MELTF: variants seen among roughly 807,000 people sequenced by gnomAD.
MELTF encodes melanotransferrin, also known as antigen p97 (melanoma associated) identified by monoclonal antibodies 133.2 and 96.5.
In MELTF, 67 loss-of-function variants were observed where a neutral mutation model predicts 83.7. That is an observed-to-expected ratio of 0.80 (90% CI 0.66 to 0.98). MELTF has a LOEUF of 0.98. MELTF is among the 50% of genes least tolerant of loss of function. The probability of loss-of-function intolerance (pLI) is 0.00; values close to 1 mark genes in which losing one functional copy is unlikely to be tolerated. For synonymous variants in MELTF, 462 were observed against 447.6 expected, an observed-to-expected ratio of 1.03 and a Z score of -0.41; for missense variants, 1,002 against 1,035.6, an observed-to-expected ratio of 0.97 and a Z score of 0.44.
chr3:197,005,564 G>A (rs181095806), intron 14 of MELTF, among the ~76,000 whole-genome samples: 151 of 152,344 alleles, frequency 9.9e-4, no homozygotes, highest in Non-Finnish European at 1.5e-3. Context: ...AGATGGGGAG[G>A]AAATCAGCAG....
At chr3:197,004,139 C>T (rs1323959130) in intron 14 of MELTF, 40 bp from the exon 15 acceptor site, 1 of 1,604,570 alleles carries the variant, frequency 6.2e-7, no homozygotes, top group Admixed American at 1.7e-5. Flanking sequence ...CCTCACTGGG[C>T]TCAGGCAGGG....
chr3:197,003,654 TC>T lies in MELTF; in HGVS notation c.2138-204del, dbSNP rs565143657. ...CGCATGTCTCTGCCGTGGCCCCAGA[TC>T]CTCCCCGCGCCGCCGTTTTGAGCGT... is the stretch of plus-strand genomic sequence containing the variant. On this transcript the variant is annotated intron_variant, in intron 15 of 15. Coordinates refer to ENST00000296350, the MANE Select transcript of MELTF (RefSeq NM_005929.6). The surrounding 1 kb of genome is among the most constrained non-coding windows in gnomAD (Gnocchi z 6.2). 966 of 662,966 alleles carry T rather than the reference TC, an allele frequency of 1.5e-3. 8 individuals are homozygous for T. Among genetic ancestry groups the T allele is most frequent in the African/African-American group, 9.5e-3 (525 of 55,072 alleles). The allele number at this position is 662,966 out of a possible 1,614,324, so 41.1% of individuals were successfully genotyped here.
intron 9 of MELTF, among the ~76,000 whole-genome samples, chr3:197,012,509 C>T (rs906028203): frequency 2.6e-5 from 4 of 152,236 alleles, no homozygotes; most frequent in African/African-American, 7.2e-5. Flanking sequence ...GCCTTCCAGT[C>T]GATGTGGTTC....
intron 6 of MELTF, chr3:197,019,410 T>C (rs1560219423): frequency 7.5e-7 from 1 of 1,333,722 alleles, no homozygotes; most frequent in Non-Finnish European, 9.6e-7. Flanking sequence ...TAAAGTCACT[T>C]AAAAAATGAC....
chr3:197,003,885 G>A lies in MELTF; in HGVS notation c.2137+16C>T, dbSNP rs1718875472. 6 of 1,611,170 alleles carry A rather than the reference G, an allele frequency of 3.7e-6. No individual in the cohort carries two copies. Among genetic ancestry groups the A allele is most frequent in the Non-Finnish European group, 5.1e-6 (6 of 1,179,058 alleles). On this transcript the variant is annotated intron_variant, in intron 15 of 15. Transcript: ENST00000296350. The surrounding 1 kb of genome is among the most constrained non-coding windows in gnomAD (Gnocchi z 6.2). ...TGAATAGCACCAGGGGAGGCGGCAG[G>A]GCGGGCCTGTCCTACCTGCGCCCGA...
chr3:197,012,480 G>T (rs1719224919), intron 9 of MELTF, among the ~76,000 whole-genome samples: 1 of 152,252 alleles, frequency 6.6e-6, no homozygotes, highest in African/African-American at 2.4e-5. Flanking sequence ...CTGTATTCTT[G>T]CCCGGTCTCC....
intron 6 of MELTF, among the ~76,000 whole-genome samples, chr3:197,020,588 T>A (rs1232461090): frequency 6.6e-6 from 1 of 152,180 alleles, no homozygotes; most frequent in Admixed American, 6.5e-5. Flanking sequence ...TCTTGTAAGT[T>A]TTCCAAAGCT....
chr3:197,014,887 T>A (rs2148583533), intron 9 of MELTF, among the ~76,000 whole-genome samples: 1 of 152,352 alleles, frequency 6.6e-6, no homozygotes, highest in South Asian at 2.1e-4. Context: ...AACATCAGTA[T>A]GTATCTCATG....
chr3:197,016,507 T>TTCTGCGGCGCCTCCCCTGA, intron 7 of MELTF, 138 bp from the exon 8 acceptor site: 1 of 698,274 alleles, frequency 1.4e-6, no homozygotes, highest in Non-Finnish European at 2.3e-6. Context: ...GGCCTCCCTC[T>TTCTGCGGCGCCTCCCCTGA]TCTGCGGCGC....
At chr3:197,017,346 C>G in intron 6 of MELTF, 56 bp from the exon 7 acceptor site, 1 of 1,430,354 alleles carries the variant, frequency 7.0e-7, no homozygotes, top group East Asian at 2.5e-5. Context: ...GGGCGGGTGG[C>G]GGGGAAGGCC....
intron 4 of MELTF, chr3:197,023,784 G>A (rs958439287): frequency 2.4e-5 from 11 of 454,294 alleles, no homozygotes; most frequent in Non-Finnish European, 4.4e-5. Context: ...AGTGCCTGGT[G>A]AGCCACTCAC....
In MELTF at chr3:197,003,984, T is replaced by A. The variant is rs1463643153; in HGVS notation, c.2054A>T (p.Glu685Val). ...CAGCCAGCCGCGGTAGGTGGTTTTC[T>A]CTCCGACAGGCACCGCCCGGACGGT... Reference protein sequence around the residue: ...DATVRAVPVGEKTTYRGWLGL... With the variant: ...DATVRAVPVGVKTTYRGWLGL... The change falls in exon 15 of 16, where the codon GAG becomes GTG. Residue 685 changes from glutamate to valine, a missense_variant. Coordinates refer to ENST00000296350, the MANE Select transcript of MELTF (RefSeq NM_005929.6). The surrounding 1 kb of genome is among the most constrained non-coding windows in gnomAD (Gnocchi z 6.2). 6.2e-7 allele frequency: 1 copy of A among 1,614,140 alleles called. No individual in the cohort carries two copies. Among genetic ancestry groups the A allele is most frequent in the Admixed American group, 1.7e-5 (1 of 60,028 alleles).
intron 8 of MELTF, among the ~76,000 whole-genome samples, 168 bp from the exon 9 acceptor site, chr3:197,015,684 G>T (rs1719343039): frequency 1.3e-5 from 2 of 152,230 alleles, no homozygotes. Context: ...GCAACTGTGA[G>T]GCCTGAGGAA....
intron 6 of MELTF, 147 bp from the exon 7 acceptor site, chr3:197,017,437 G>A (rs972737785): frequency 1.0e-5 from 7 of 681,032 alleles, no homozygotes; most frequent in African/African-American, 3.6e-5. Flanking sequence ...CTTGGTGGCC[G>A]CACCCAACTC....
chr3:197,025,189 T>G (rs985384412), intron 3 of MELTF, among the ~76,000 whole-genome samples: 1 of 152,186 alleles, frequency 6.6e-6, no homozygotes, highest in African/African-American at 2.4e-5. Context: ...GGGTCTCCCA[T>G]CGCACGGGCG....
intron 9 of MELTF, among the ~76,000 whole-genome samples, chr3:197,013,904 G>A (rs1470169122): frequency 6.6e-6 from 1 of 152,210 alleles, no homozygotes; most frequent in African/African-American, 2.4e-5. Flanking sequence ...CGTTGCTGGG[G>A]ATGTAAACCC....
chr3:197,003,799 C>T lies in MELTF; in HGVS notation c.2137+102G>A. 1 of 1,309,340 alleles carries T rather than the reference C, an allele frequency of 7.6e-7. No individual in the cohort carries two copies. The highest frequency in any genetic ancestry group is 1.1e-6 in the Non-Finnish European group (1 of 949,568). The allele number at this position is 1,309,340 out of a possible 1,614,324, so 81.1% of individuals were successfully genotyped here. A position where few individuals can be genotyped will look rare whatever the true frequency, so the allele number is the denominator to read the frequency against. ...ACCTGGACTGCTGCGAACGGGCCTC[C>T]ACCCGCCTCCCCGGACCCGCAGCGC... is the stretch of plus-strand genomic sequence containing the variant. On this transcript the variant is annotated intron_variant, in intron 15 of 15. Transcript: ENST00000296350. This position sits in a 1 kb window ranked among gnomAD's most constrained non-coding sequence, Gnocchi z 6.2.
In MELTF at chr3:197,008,286, C is replaced by T. The variant is rs1042660948; in HGVS notation, c.1750+371G>A. 1.3e-5 allele frequency among the ~76,000 whole-genome samples: 2 copies of T among 152,184 alleles called. No individual in the cohort carries two copies. Among genetic ancestry groups the T allele is most frequent in the African/African-American group, 4.8e-5 (2 of 41,440 alleles). On this transcript the variant is annotated intron_variant, in intron 13 of 15. Transcript: ENST00000296350. This position sits in a 1 kb window ranked among gnomAD's most constrained non-coding sequence, Gnocchi z 5.4. ...CCTGCTCAGGAACACAGACCAGATA[C>T]TGATTGAACTCATGACCCTGTGGAG... is the stretch of plus-strand genomic sequence containing the variant.
intron 6 of MELTF, among the ~76,000 whole-genome samples, chr3:197,017,601 G>T (rs1211993671): frequency 7.9e-5 from 12 of 152,240 alleles, no homozygotes; most frequent in Admixed American, 2.6e-4. Context: ...AGGCTGGCCG[G>T]GCGTGGTGGC....
Sources: gnomAD v4.1 joint callset for allele counts (sites outside exome capture counted in the v4.1 genomes callset) on GRCh38, gnomAD v4.1.1 for gene constraint, Gnocchi (gnomAD v3.1) non-coding constraint, MANE v1.5 for transcripts, NCBI Gene and HGNC (gene_info 2026-07-23, HGNC 2026-07-21) for gene names.